Variants in FAM117B observed in about 807,000 individuals in gnomAD.
FAM117B encodes the protein family with sequence similarity 117 member B.
A neutral mutation model predicts 52.8 loss-of-function variants in FAM117B; 22 were observed. The ratio of observed to expected loss-of-function variants is 0.42; its 90% confidence interval spans 0.30 to 0.59. The LOEUF is 0.59. Ranked by LOEUF, FAM117B falls within the 20% of genes least tolerant of loss-of-function variation. The probability of loss-of-function intolerance (pLI) is 0.22; values close to 1 mark genes in which losing one functional copy is unlikely to be tolerated. For synonymous variants in FAM117B, 309 were observed against 324.1 expected, an observed-to-expected ratio of 0.95 and a Z score of 0.50; for missense variants, 678 against 802.6, an observed-to-expected ratio of 0.84 and a Z score of 1.88.
chr2:202,697,581 C>T lies in FAM117B; in HGVS notation c.753+1549C>T, dbSNP rs189301135. ...TTTTTTTTCCCCTGAGATAGAATCT[C>T]GCTGTGTCGCCCAGGCTGGAGTGCA... On this transcript the variant is annotated intron_variant, in intron 2 of 7. Transcript: ENST00000392238. 2.9e-4 allele frequency among the ~76,000 whole-genome samples: 42 copies of T among 146,662 alleles called. No individual in the cohort carries two copies. In the East Asian group the frequency reaches 5.3e-3, roughly 19 times the overall value.
intron 1 of FAM117B, among the ~76,000 whole-genome samples, chr2:202,642,837 A>C (rs373968047): frequency 6.6e-6 from 1 of 152,208 alleles, no homozygotes; most frequent in African/African-American, 2.4e-5. Context: ...TGAAGATAGA[A>C]CTCTGGGAGG....
rs1010898446 is a variant in FAM117B, at chr2:202,765,916, G to A, written c.*152G>A. On this transcript the variant is annotated 3_prime_UTR_variant, in exon 8 of 8. Transcript: ENST00000392238. ...AGGCTTCTGGAAGAAAGGATCCCCC[G>A]TGACGGCTCTGCCCCACTTGTGAAC... The A allele has an allele frequency of 1.3e-4, 106 of 792,576 alleles. No individual in the cohort carries two copies. The highest frequency in any genetic ancestry group is 8.9e-4 in the African/African-American group (51 of 57,510). 49.1% of individuals were successfully genotyped at this position (792,576 alleles called of 1,614,324 possible).
chr2:202,719,088 T>C (rs1411549366), intron 2 of FAM117B, among the ~76,000 whole-genome samples: 1 of 152,200 alleles, frequency 6.6e-6, no homozygotes, highest in East Asian at 1.9e-4. Flanking sequence ...AACTCAATTT[T>C]ACTTTTTATT....
intron 1 of FAM117B, among the ~76,000 whole-genome samples, chr2:202,690,540 T>C (rs1690604552): frequency 6.6e-6 from 1 of 152,038 alleles, no homozygotes; most frequent in Admixed American, 6.6e-5. Context: ...GGGTGGGTGG[T>C]TGAGGAAGAT....
chr2:202,645,117 T>C (rs1242892019), intron 1 of FAM117B, among the ~76,000 whole-genome samples: 1 of 152,154 alleles, frequency 6.6e-6, no homozygotes, highest in Non-Finnish European at 1.5e-5. Context: ...ATTTCTTTTT[T>C]ATTATTTTTC....
At chr2:202,653,229 C>T (rs986725792) in intron 1 of FAM117B, among the ~76,000 whole-genome samples, 35 of 152,306 alleles carry the variant, frequency 2.3e-4, no homozygotes, top group African/African-American at 7.9e-4. Context: ...GATCATGCCA[C>T]AGCACTCCTG....
At chr2:202,657,086 T>C (rs1266330360) in intron 1 of FAM117B, among the ~76,000 whole-genome samples, 1 of 152,118 alleles carries the variant, frequency 6.6e-6, no homozygotes, top group Non-Finnish European at 1.5e-5. Flanking sequence ...AATTTTAATT[T>C]TATTTTATTT....
Position 202,726,239 on chromosome 2 carries a change from TGC to T in FAM117B, c.847-10_847-9del. ...AACACTCTGGTGTACTTGCTATTTT[TGC>T]TTTCTCAGATTGCAAAATTACGCCA... On this transcript the variant is annotated splice_polypyrimidine_tract_variant and intron_variant, in intron 3 of 7. Transcript: ENST00000392238. 1 of 1,602,794 alleles carries T rather than the reference TGC, an allele frequency of 6.2e-7. No homozygotes were observed. The highest frequency in any genetic ancestry group is 1.1e-5 in the South Asian group (1 of 90,296).
chr2:202,714,533 C>CTTTTTTTTTT (rs1034689626), intron 2 of FAM117B, among the ~76,000 whole-genome samples: 26 of 117,628 alleles, frequency 2.2e-4, no homozygotes, highest in East Asian at 7.0e-4. Context: ...TTTTTTTTTT[C>CTTTTTTTTTT]TTTTTTTTTT....
chr2:202,765,658 T>C lies in FAM117B; in HGVS notation c.1664T>C (p.Leu555Pro), dbSNP rs1298653515. 1.2e-6 allele frequency: 2 copies of C among 1,614,058 alleles called. No homozygotes were observed. Among genetic ancestry groups the C allele is most frequent in the Non-Finnish European group, 1.7e-6 (2 of 1,180,042 alleles). The change falls in exon 8 of 8, where the codon CTG (leucine) becomes CCG (proline). Residue 555 changes from leucine (L) to proline (P), a missense_variant. Transcript: ENST00000392238. Reference protein sequence around the residue: ...TLLQPIAVASLSTNTEQDRVS... With the variant: ...TLLQPIAVASPSTNTEQDRVS... The stretch of plus-strand genomic sequence containing the variant: ...CTGCAGCCTATTGCTGTGGCCTCCC[T>C]GTCTACAAACACAGAGCAAGACCGA...
chr2:202,664,164 C>T (rs1238930135), intron 1 of FAM117B, among the ~76,000 whole-genome samples: 3 of 152,210 alleles, frequency 2.0e-5, no homozygotes, highest in Non-Finnish European at 4.4e-5. Flanking sequence ...TGATATCCCT[C>T]TTTAAGGGTG....
intron 2 of FAM117B, among the ~76,000 whole-genome samples, chr2:202,717,697 G>T (rs1288652978): frequency 6.6e-6 from 1 of 152,166 alleles, no homozygotes; most frequent in African/African-American, 2.4e-5. Context: ...TGGAGCTGGG[G>T]GAGGGATGAC....
In FAM117B at chr2:202,766,596, A is replaced by G. The variant is rs967932529; in HGVS notation, c.*832A>G. On this transcript the variant is annotated 3_prime_UTR_variant, in exon 8 of 8. Coordinates refer to ENST00000392238, the MANE Select transcript of FAM117B (RefSeq NM_173511.4). ...CAAGTGCTTTAATATGTTCTCACCCATATTGGAACTTGATTTAAAAGTCAG... is the reference window on the plus strand; with the variant it reads ...CAAGTGCTTTAATATGTTCTCACCCGTATTGGAACTTGATTTAAAAGTCAG... 2.6e-5 allele frequency: 4 copies of G among 152,652 alleles called. No homozygotes were observed. Among genetic ancestry groups the G allele is most frequent in the African/African-American group, 7.2e-5 (3 of 41,466 alleles). The allele number at this position is 152,652 out of a possible 1,614,324, so 9.5% of individuals were successfully genotyped here.
intron 1 of FAM117B, among the ~76,000 whole-genome samples, chr2:202,645,208 C>T (rs139780651): frequency 5.3e-4 from 80 of 151,638 alleles, no homozygotes; most frequent in African/African-American, 1.9e-3. Flanking sequence ...AACTCCTGGC[C>T]TTAAGTGATG....
Position 202,769,654 on chromosome 2 carries a change from G to A in FAM117B, c.*3890G>A, listed in dbSNP as rs1342031225. On this transcript the variant is annotated 3_prime_UTR_variant, in exon 8 of 8. Coordinates refer to ENST00000392238, the MANE Select transcript of FAM117B (RefSeq NM_173511.4). ...AAAAACAGCATTTCCAATGGTAATC[G>A]GTATTGTTACGCTGTACTTATGTAT... is the stretch of plus-strand genomic sequence containing the variant. 12 of 152,290 alleles carry A rather than the reference G, an allele frequency of 7.9e-5. No homozygotes were observed. Among genetic ancestry groups the A allele is most frequent in the Non-Finnish European group, 5.9e-5 (4 of 67,994 alleles). The allele number at this position is 152,290 out of a possible 1,614,324, so 9.4% of individuals were successfully genotyped here. A position where few individuals can be genotyped will look rare whatever the true frequency, so the allele number is the denominator to read the frequency against.
At chr2:202,706,073 C>CT (rs1215695471) in intron 2 of FAM117B, among the ~76,000 whole-genome samples, 4 of 152,118 alleles carry the variant, frequency 2.6e-5, no homozygotes, top group African/African-American at 9.7e-5. Context: ...AGTGTAGTGG[C>CT]TATTCACAGG....
At chr2:202,640,322 A>C (rs1049481191) in intron 1 of FAM117B, among the ~76,000 whole-genome samples, 1 of 116,288 alleles carries the variant, frequency 8.6e-6, no homozygotes. Flanking sequence ...ATATATATAT[A>C]TATATATATA....
rs914525259 is a variant in FAM117B at position 202,666,246 on chromosome 2, G to A, written c.602-29635G>A. Among the ~76,000 whole-genome samples, 6 of 151,376 alleles carry A rather than the reference G, an allele frequency of 4.0e-5. No homozygotes were observed. The South Asian group carries it at 6.3e-4, about 16-fold the overall frequency. On this transcript the variant is annotated intron_variant, in intron 1 of 7. Coordinates refer to ENST00000392238, the MANE Select transcript of FAM117B (RefSeq NM_173511.4). Reference sequence around the variant, plus strand: ...ACTTTACATTAAAAACAATTGAAACGGAAGTTATGTTAGCAAAATAAACAT... The same window carrying A: ...ACTTTACATTAAAAACAATTGAAACAGAAGTTATGTTAGCAAAATAAACAT...
intron 1 of FAM117B, among the ~76,000 whole-genome samples, chr2:202,639,782 G>C (rs1206327712): frequency 6.6e-6 from 1 of 152,152 alleles, no homozygotes; most frequent in East Asian, 1.9e-4. Flanking sequence ...ATAAAAGTTA[G>C]CTGTTGTGTA....
Sources: gnomAD v4.1 joint callset for allele counts (sites outside exome capture counted in the v4.1 genomes callset) on GRCh38, gnomAD v4.1.1 for gene constraint, MANE v1.5 for transcripts, NCBI Gene and HGNC (gene_info 2026-07-23, HGNC 2026-07-21) for gene names.